RAB8B: variants seen among roughly 807,000 people sequenced by gnomAD.
RAB8B encodes the protein ras-related protein Rab-8B.
In RAB8B, 11 loss-of-function variants were observed where a neutral mutation model predicts 32.0. The observed-to-expected ratio is 0.34, with a 90% CI of 0.22 to 0.57. RAB8B has a LOEUF of 0.57. Among genes scored for constraint, RAB8B ranks in the 20% least tolerant of loss-of-function variants. The pLI is 0.86. For missense variants in RAB8B, 190 were observed against 258.5 expected, an observed-to-expected ratio of 0.73 and a Z score of 1.82; for synonymous variants, 103 against 89.6, an observed-to-expected ratio of 1.15 and a Z score of -0.85.
At chr15:63,258,624 A>G (rs1429598365) in intron 5 of RAB8B, among the ~76,000 whole-genome samples, 1 of 152,200 alleles carries the variant, frequency 6.6e-6, no homozygotes, top group African/African-American at 2.4e-5. Context: ...TACACTCCAC[A>G]GAGTGGGAGT....
chr15:63,237,255 G>A (rs1233361557), intron 1 of RAB8B, among the ~76,000 whole-genome samples: 1 of 152,100 alleles, frequency 6.6e-6, no homozygotes, highest in Non-Finnish European at 1.5e-5. Context: ...TCCTTTTGGA[G>A]CAGGATTGCT....
At chr15:63,216,350 T>G (rs1048753336) in intron 1 of RAB8B, among the ~76,000 whole-genome samples, 30 of 150,798 alleles carry the variant, frequency 2.0e-4, no homozygotes, top group African/African-American at 7.3e-4. Context: ...TGCCTCAACC[T>G]CCCAAGTATC....
chr15:63,206,422 C>G (rs990628812), intron 1 of RAB8B, among the ~76,000 whole-genome samples: 4 of 152,082 alleles, frequency 2.6e-5, no homozygotes, highest in Non-Finnish European at 5.9e-5. Flanking sequence ...CCCTCTCCCC[C>G]TCATTTTCCT....
intron 3 of RAB8B, among the ~76,000 whole-genome samples, chr15:63,251,721 G>A: frequency 6.6e-6 from 1 of 152,166 alleles, no homozygotes; most frequent in East Asian, 1.9e-4. Flanking sequence ...CTGACACATA[G>A]TAGAGGCTCA....
In RAB8B at chr15:63,205,652, A is replaced by G. The variant is rs148180181; in HGVS notation, c.124+15904A>G. Among the ~76,000 whole-genome samples, 12 of 152,320 alleles carry G rather than the reference A, an allele frequency of 7.9e-5. 1 individual carries two copies. Among genetic ancestry groups the G allele is most frequent in the African/African-American group, 2.9e-4 (12 of 41,574 alleles). On this transcript the variant is annotated intron_variant, in intron 1 of 7. Coordinates refer to ENST00000321437, the MANE Select transcript of RAB8B (RefSeq NM_016530.3). The stretch of plus-strand genomic sequence containing the variant: ...ACACATTTTATTTCTTTGCTCTGAA[A>G]ACGTGTCAGGTTCATAAGAAGTGAC...
intron 3 of RAB8B, chr15:63,251,404 C>T (rs2152580951): frequency 2.3e-6 from 1 of 440,402 alleles, no homozygotes; most frequent in East Asian, 7.1e-5. Flanking sequence ...TTTTTGCATG[C>T]TAGGAATGAT....
intron 1 of RAB8B, among the ~76,000 whole-genome samples, chr15:63,197,945 C>T (rs778322415): frequency 2.0e-5 from 3 of 151,940 alleles, no homozygotes; most frequent in Non-Finnish European, 2.9e-5. Context: ...TATTTGCTGT[C>T]CAACATGTTA....
intron 2 of RAB8B, among the ~76,000 whole-genome samples, chr15:63,249,332 A>T (rs2038096155): frequency 6.6e-6 from 1 of 152,154 alleles, no homozygotes; most frequent in South Asian, 2.1e-4. Context: ...ACTATTCTCT[A>T]TTCCCTCCCA....
At chr15:63,263,373 ACT>A (rs2038217635) in intron 7 of RAB8B, among the ~76,000 whole-genome samples, 152 bp from the exon 8 acceptor site, 1 of 152,200 alleles carries the variant, frequency 6.6e-6, no homozygotes, top group Non-Finnish European at 1.5e-5. Context: ...TTGGTGCTTA[ACT>A]AGTTCCCGTT....
rs368282447 is a variant in RAB8B, at chr15:63,264,014, TAAA to T, written c.*397_*399del. ...GACAAATTTGTACATGTGGCAATGT[TAAA>T]AGAGCATTTACAGCAGAGGTTAATA... On this transcript the variant is annotated 3_prime_UTR_variant, in exon 8 of 8. Transcript: ENST00000321437. The T allele has an allele frequency of 2.2e-4, 35 of 162,572 alleles. No homozygotes were observed. The highest frequency in any genetic ancestry group is 5.1e-4 in the Middle Eastern group (1 of 1,970). 10.1% of individuals were successfully genotyped at this position (162,572 alleles called of 1,614,324 possible).
At chr15:63,252,708 T>A (rs958890718) in intron 3 of RAB8B, among the ~76,000 whole-genome samples, 1 of 152,168 alleles carries the variant, frequency 6.6e-6, no homozygotes, top group South Asian at 2.1e-4. Flanking sequence ...AGAACATTTA[T>A]CATTTTGACC....
At chr15:63,253,969 G>C (rs1357556960) in intron 3 of RAB8B, among the ~76,000 whole-genome samples, 1 of 152,182 alleles carries the variant, frequency 6.6e-6, no homozygotes, top group African/African-American at 2.4e-5. Flanking sequence ...AGTTTGCCGT[G>C]ATCACAAGGG....
chr15:63,235,682 A>T (rs2037972396), intron 1 of RAB8B, among the ~76,000 whole-genome samples: 1 of 150,124 alleles, frequency 6.7e-6, no homozygotes, highest in Non-Finnish European at 1.5e-5. Flanking sequence ...TACTATATAT[A>T]TTTTATATAT....
chr15:63,216,234 A>T (rs146054382), intron 1 of RAB8B, among the ~76,000 whole-genome samples: 82,080 of 132,826 alleles, frequency 0.62, 24,666 homozygotes, highest in East Asian at 0.84. Flanking sequence ...ATTAATTATT[A>T]TTTTTTTTTT....
rs1316482769 is a variant in RAB8B, at chr15:63,265,113, A to G, written c.*1494A>G. 2 of 152,626 alleles carry G rather than the reference A, an allele frequency of 1.3e-5. No individual in the cohort carries two copies. Among genetic ancestry groups the G allele is most frequent in the African/African-American group, 2.4e-5 (1 of 41,452 alleles). 9.5% of individuals were successfully genotyped at this position (152,626 alleles called of 1,614,324 possible). ...ATGAGGGAAATGAATTCTGTTAATA[A>G]TTATTCTTCCTGGTATGCCTGTTTT... is the stretch of plus-strand genomic sequence containing the variant. On this transcript the variant is annotated 3_prime_UTR_variant, in exon 8 of 8. Coordinates refer to ENST00000321437, the MANE Select transcript of RAB8B (RefSeq NM_016530.3). This position sits in a 1 kb window ranked among gnomAD's most constrained non-coding sequence, Gnocchi z 4.9.
At chr15:63,218,003 C>G (rs1191687495) in intron 1 of RAB8B, among the ~76,000 whole-genome samples, 3 of 152,128 alleles carry the variant, frequency 2.0e-5, no homozygotes, top group South Asian at 2.1e-4. Context: ...GAAATAATGT[C>G]TTTCTTATTT....
At chr15:63,198,651 A>G (rs1388587438) in intron 1 of RAB8B, among the ~76,000 whole-genome samples, 1 of 152,152 alleles carries the variant, frequency 6.6e-6, no homozygotes, top group South Asian at 2.1e-4. Context: ...TCACATTATA[A>G]TTTTGCATAT....
rs1379648559 is a variant in RAB8B at position 63,264,554 on chromosome 15, G to T, written c.*935G>T. 2.0e-5 allele frequency: 3 copies of T among 152,154 alleles called. No individual in the cohort carries two copies. Among genetic ancestry groups the T allele is most frequent in the African/African-American group, 7.2e-5 (3 of 41,432 alleles). The allele number at this position is 152,154 out of a possible 1,614,324, so 9.4% of individuals were successfully genotyped here. On this transcript the variant is annotated 3_prime_UTR_variant, in exon 8 of 8. Transcript: ENST00000321437. ...TATTTTTTCTTAGGTTCACTCCTTA[G>T]CTGGCTGGTTTAGTTGTAATACCAA...
At position 63,252,480 on chromosome 15, in the gene RAB8B, C is replaced by T. The variant is rs75785720; in HGVS notation, c.246+2775C>T. Among the ~76,000 whole-genome samples, 1,089 of 152,308 alleles carry T rather than the reference C, an allele frequency of 7.1e-3. 14 individuals are homozygous for T. Among genetic ancestry groups the T allele is most frequent in the African/African-American group, 0.024 (1,011 of 41,562 alleles). ...CTCAGACTCTAGCCTGCGTTCTTAA[C>T]ACCACACCATGTTCACACTTTCTGT... On this transcript the variant is annotated intron_variant, in intron 3 of 7. Transcript: ENST00000321437.
Sources: allele counts gnomAD v4.1 joint callset (sites outside exome capture counted in the v4.1 genomes callset), GRCh38; gene constraint gnomAD v4.1.1; non-coding constraint Gnocchi (gnomAD v3.1); transcripts MANE v1.5; gene names NCBI Gene and HGNC (gene_info 2026-07-23, HGNC 2026-07-21).